Variants in PRDM15 observed in about 807,000 individuals in gnomAD.
PRDM15 encodes the protein PR/SET domain 15, also known as PR domain zinc finger protein 15.
Under a neutral mutation model 128.6 loss-of-function variants are expected in PRDM15, and 64 were observed. That is an observed-to-expected ratio of 0.50 (90% CI 0.41 to 0.61). The LOEUF (loss-of-function observed/expected upper bound fraction) is 0.61. Among genes scored for constraint, PRDM15 ranks in the 20% least tolerant of loss-of-function variants. The probability of loss-of-function intolerance (pLI) is 0.00; values close to 1 mark genes in which losing one functional copy is unlikely to be tolerated. For missense variants in PRDM15, 1,242 were observed against 1,569.1 expected (o/e 0.79, Z 3.52); for synonymous variants, 615 against 621.8 (o/e 0.99, Z 0.16).
chr21:41,819,711 C>T lies in PRDM15; in HGVS notation c.2141-10G>A. The T allele has an allele frequency of 6.3e-7, 1 of 1,593,408 alleles. No homozygotes were observed. Among genetic ancestry groups the T allele is most frequent in the Non-Finnish European group, 8.5e-7 (1 of 1,174,356 alleles). ...GCGTGGCTCTTCACACCTGAGAACA[C>T]AGGCATCTGCCACTCAGAGCCGAGC... On this transcript the variant is annotated splice_polypyrimidine_tract_variant and intron_variant, in intron 17 of 23. Coordinates refer to ENST00000398548, the MANE Select transcript of PRDM15 (RefSeq NM_001040424.3).
chr21:41,815,675 T>C (rs1353357461), intron 19 of PRDM15, 30 bp downstream of exon 19: 2 of 1,609,736 alleles, frequency 1.2e-6, no homozygotes, highest in South Asian at 2.2e-5. Context: ...GTGAGCGCCG[T>C]GGCTGGCGCG....
rs1429729021 is a variant in PRDM15 at position 41,862,431 on chromosome 21, GA to G, written c.-9-2060del. On this transcript the variant is annotated intron_variant, in intron 1 of 23. Transcript: ENST00000398548. The surrounding 1 kb of genome is among the most constrained non-coding windows in gnomAD (Gnocchi z 4.1). ...TTGCCTCTGGCCTACACCTCTCACA[GA>G]CTGCCCACCCCTTCTAGGTGCCCCC... is the stretch of plus-strand genomic sequence containing the variant. Among the ~76,000 whole-genome samples, 1 of 152,134 alleles carries G rather than the reference GA, an allele frequency of 6.6e-6. No individual in the cohort carries two copies. Among genetic ancestry groups the G allele is most frequent in the African/African-American group, 2.4e-5 (1 of 41,434 alleles).
intron 18 of PRDM15, 90 bp downstream of exon 18, chr21:41,819,492 A>G (rs1312098919): frequency 1.7e-6 from 1 of 582,510 alleles, no homozygotes; most frequent in Non-Finnish European, 2.2e-6. Flanking sequence ...CCTTCCCCAC[A>G]CTCCCAGTTC....
chr21:41,839,633 C>T lies in PRDM15; in HGVS notation c.861G>A (p.Lys287=). The change falls in exon 7 of 24, where the codon AAG becomes AAA. Residue 287 remains lysine, a synonymous_variant. Transcript: ENST00000398548. ...GGACCCGCTCATCACCTGTGGGTTC[C>T]TTGTCTTCCACGATGACTAGAGGCT... The part of the protein sequence containing the change: ...AEQPLVIVED[K]EPTEQVAEII... 1 of 1,614,242 alleles carries T rather than the reference C, an allele frequency of 6.2e-7. No individual in the cohort carries two copies. Among genetic ancestry groups the T allele is most frequent in the Non-Finnish European group, 8.5e-7 (1 of 1,180,028 alleles).
At chr21:41,841,694 A>G (rs1395170902) in intron 6 of PRDM15, among the ~76,000 whole-genome samples, 1 of 152,256 alleles carries the variant, frequency 6.6e-6, no homozygotes, top group African/African-American at 2.4e-5. Context: ...CATCAAAGAG[A>G]TGTATATATA....
At position 41,859,062 on chromosome 21, in the gene PRDM15, C is replaced by A. The variant is rs1257738780; in HGVS notation, c.131+530G>T. The A allele has an allele frequency of 9.5e-6, 15 of 1,574,376 alleles. No homozygotes were observed. The African/African-American group carries it at 1.9e-4, about 20-fold the overall frequency. On this transcript the variant is annotated intron_variant, in intron 3 of 23. Transcript: ENST00000398548. The surrounding 1 kb of genome is among the most constrained non-coding windows in gnomAD (Gnocchi z 5.3). Reference sequence around the variant, plus strand: ...TGGGCCACCAGGTGGCACAGCCTCCCCCAGGTGAGGGTGGAACGGCAGGGC... The same window carrying A: ...TGGGCCACCAGGTGGCACAGCCTCCACCAGGTGAGGGTGGAACGGCAGGGC...
At position 41,802,790 on chromosome 21, in the gene PRDM15, G is replaced by A. The variant is rs751526635; in HGVS notation, c.2865C>T (p.Ser955=). ...ACTCCGTCTCTTTCTCTGAGTATTC[G>A]CTGAAGGTGGCGTCCTCGGGCACCG... The part of the protein sequence containing the change: ...GAPVPEDATF[S]EYSEKETEFT... Residue 955 remains serine (S), a synonymous_variant, in exon 23 of 24, where the codon AGC becomes AGT. Coordinates refer to ENST00000398548, the MANE Select transcript of PRDM15 (RefSeq NM_001040424.3). 7 of 1,614,058 alleles carry A rather than the reference G, an allele frequency of 4.3e-6. No individual in the cohort carries two copies. Among genetic ancestry groups the A allele is most frequent in the African/African-American group, 1.3e-5 (1 of 74,942 alleles).
intron 1 of PRDM15, among the ~76,000 whole-genome samples, chr21:41,876,405 C>T (rs563458026): frequency 6.6e-6 from 1 of 152,116 alleles, no homozygotes; most frequent in African/African-American, 2.4e-5. Context: ...ACAGCAGAGT[C>T]CCCCAATGCC....
intron 3 of PRDM15, among the ~76,000 whole-genome samples, chr21:41,858,323 G>A (rs989210385): frequency 1.1e-4 from 17 of 152,176 alleles, no homozygotes; most frequent in African/African-American, 7.2e-5. Flanking sequence ...GGACAGAGGC[G>A]GACATTGGGT....
intron 4 of PRDM15, 42 bp downstream of exon 4, chr21:41,857,134 A>C: frequency 6.3e-7 from 1 of 1,581,892 alleles, no homozygotes; most frequent in East Asian, 2.3e-5. Flanking sequence ...AACGCCAGAA[A>C]AACACCCAGT....
chr21:41,861,771 GA>G (rs2063822088), intron 1 of PRDM15: 4 of 1,610,210 alleles, frequency 2.5e-6, no homozygotes, highest in East Asian at 2.2e-5. Context: ...GTGCCGGGTT[GA>G]AAACTTCAAG....
At chr21:41,834,486 G>T in intron 11 of PRDM15, 1 of 1,548,482 alleles carries the variant, frequency 6.5e-7, no homozygotes, top group Middle Eastern at 1.7e-4. Context: ...CAAGGACGGG[G>T]TGGGCGTCGA....
chr21:41,847,212 GAAA>G, intron 5 of PRDM15, 21 bp from the exon 6 acceptor site: 1 of 1,514,050 alleles, frequency 6.6e-7, no homozygotes, highest in Non-Finnish European at 9.0e-7. Context: ...CATGAGAGGA[GAAA>G]AAGGTGACCC....
chr21:41,839,081 G>C (rs903536756), intron 7 of PRDM15, among the ~76,000 whole-genome samples: 1 of 152,178 alleles, frequency 6.6e-6, no homozygotes, highest in Non-Finnish European at 1.5e-5. Flanking sequence ...AGGGTCAAAT[G>C]CCTCTTCAAA....
chr21:41,872,759 G>C (rs191142025), intron 1 of PRDM15, among the ~76,000 whole-genome samples: 104 of 152,332 alleles, frequency 6.8e-4, no homozygotes, highest in African/African-American at 2.1e-3. Context: ...GGGCCAAAGA[G>C]AGCACAAAAC....
chr21:41,873,163 G>A (rs957438521), intron 1 of PRDM15, among the ~76,000 whole-genome samples: 1 of 152,158 alleles, frequency 6.6e-6, no homozygotes, highest in Non-Finnish European at 1.5e-5. Context: ...CATCAGCCTG[G>A]GGGCGCCTGG....
chr21:41,810,948 G>T lies in PRDM15; in HGVS notation c.2393-112C>A. 3.4e-6 allele frequency: 3 copies of T among 870,168 alleles called. No individual in the cohort carries two copies. The highest frequency in any genetic ancestry group is 5.6e-6 in the Non-Finnish European group (3 of 532,348). 53.9% of individuals were successfully genotyped at this position (870,168 alleles called of 1,614,324 possible). ...GGCACTGTAGGGCCTTCAGGAGAAG[G>T]TGAATTGCAAGAAGACAGCAGACAA... On this transcript the variant is annotated intron_variant, in intron 19 of 23. Coordinates refer to ENST00000398548, the MANE Select transcript of PRDM15 (RefSeq NM_001040424.3). The surrounding 1 kb of genome is among the most constrained non-coding windows in gnomAD (Gnocchi z 6.4).
At position 41,803,877 on chromosome 21, in the gene PRDM15, T is replaced by C. The variant is rs575271858; in HGVS notation, c.2733+657A>G. Among the ~76,000 whole-genome samples the C allele has an allele frequency of 7.2e-5, 11 of 152,304 alleles. No homozygotes were observed. In the South Asian group the frequency reaches 1.9e-3, roughly 26 times the overall value. ...AATTTTGCTAACTGAAAGTTTAGTA[T>C]TAACTAAAAATTTCTTTAAAAACTA... On this transcript the variant is annotated intron_variant, in intron 22 of 23. Transcript: ENST00000398548.
At chr21:41,808,264 T>C (rs1415977127) in intron 21 of PRDM15, among the ~76,000 whole-genome samples, 2 of 152,170 alleles carry the variant, frequency 1.3e-5, no homozygotes, top group Non-Finnish European at 2.9e-5. Context: ...CTCTGTTTTC[T>C]AGGTAAAAAC....
Sources: allele counts gnomAD v4.1 joint callset (sites outside exome capture counted in the v4.1 genomes callset), GRCh38; gene constraint gnomAD v4.1.1; non-coding constraint Gnocchi (gnomAD v3.1); transcripts MANE v1.5; gene names NCBI Gene and HGNC (gene_info 2026-07-23, HGNC 2026-07-21).